NAALAD2: variants seen among roughly 807,000 people sequenced by gnomAD.
NAALAD2 encodes N-acetylated-alpha-linked acidic dipeptidase 2.
In NAALAD2, 89 loss-of-function variants were observed where a neutral mutation model predicts 95.6. The ratio of observed to expected loss-of-function variants is 0.93; its 90% CI spans 0.78 to 1.11. NAALAD2 has a LOEUF of 1.11. Among genes scored for constraint, NAALAD2 ranks in the 50% least tolerant of loss-of-function variants. The pLI is 0.00. For synonymous variants in NAALAD2, 264 were observed against 294.4 expected (o/e 0.90, Z 1.06); for missense variants, 894 against 872.4 (o/e 1.02, Z -0.31).
chr11:90,135,502 T>C (rs2134811872), intron 1 of NAALAD2, 57 bp from the exon 2 acceptor site: 1 of 1,268,160 alleles, frequency 7.9e-7, no homozygotes, highest in East Asian at 2.4e-5. Context: ...CTAGTTTTAA[T>C]AAAGTCAAAG....
chr11:90,147,130 A>G (rs186794478), intron 2 of NAALAD2, among the ~76,000 whole-genome samples, 200 bp from the exon 3 acceptor site: 34 of 152,320 alleles, frequency 2.2e-4, no homozygotes, highest in Middle Eastern at 3.4e-3. Context: ...AGGAAGCATA[A>G]TATGAAAACT....
chr11:90,161,634 GAGAAAGACGTAGGTTTAA>G (rs1952302473), intron 8 of NAALAD2, among the ~76,000 whole-genome samples: 1 of 152,124 alleles, frequency 6.6e-6, no homozygotes, highest in Admixed American at 6.6e-5. Context: ...TACTAAAAAC[GAGAAAGACGTAGGTTTAA>G]AGACGTAGAT....
At chr11:90,177,822 A>G (rs1163119601) in intron 15 of NAALAD2, 31 bp from the exon 16 acceptor site, 2 of 1,560,850 alleles carry the variant, frequency 1.3e-6, no homozygotes, top group Admixed American at 4.0e-5. Flanking sequence ...TTTAATGTTT[A>G]TTTATACTTG....
chr11:90,187,873 A>G (rs1857204240), intron 18 of NAALAD2, among the ~76,000 whole-genome samples: 1 of 152,224 alleles, frequency 6.6e-6, no homozygotes, highest in Admixed American at 6.5e-5. Context: ...CATTATATAT[A>G]TATGTACATT....
rs1162277282 is a variant in NAALAD2, at chr11:90,183,014, GA to G, written c.2033+9del. On this transcript the variant is annotated splice_region_variant and intron_variant, in intron 18 of 18. Coordinates refer to ENST00000534061, the MANE Select transcript of NAALAD2 (RefSeq NM_005467.4). The stretch of plus-strand genomic sequence containing the variant: ...CCAGGAAAGCTGTTCTATAGGTAAG[GA>G]AACAACAGGCGCCAAATACATCACT... 10 of 1,605,038 alleles carry G rather than the reference GA, an allele frequency of 6.2e-6. No homozygotes were observed. The highest frequency in any genetic ancestry group is 1.3e-5 in the African/African-American group (1 of 74,656).
chr11:90,185,313 ACCCATTTATATT>A (rs1034239923), intron 18 of NAALAD2, among the ~76,000 whole-genome samples: 3 of 152,020 alleles, frequency 2.0e-5, no homozygotes, highest in Admixed American at 6.6e-5. Context: ...AAATATGTAA[ACCCATTTATATT>A]TACATAAATA....
Position 90,168,909 on chromosome 11 carries a change from C to T in NAALAD2, c.1279-20C>T, listed in dbSNP as rs1260394777. The T allele has an allele frequency of 6.3e-7, 1 of 1,581,348 alleles. No homozygotes were observed. Among genetic ancestry groups the T allele is most frequent in the Non-Finnish European group, 8.6e-7 (1 of 1,161,498 alleles). The stretch of plus-strand genomic sequence containing the variant: ...CAACTAAGTAATGTGAATTAAGTAA[C>T]AACTTTGCTTCAACTACAGGAGAAT... On this transcript the variant is annotated intron_variant, in intron 11 of 18. Transcript: ENST00000534061.
intron 18 of NAALAD2, among the ~76,000 whole-genome samples, chr11:90,188,916 A>G (rs768004768): frequency 1.3e-5 from 2 of 152,088 alleles, no homozygotes; most frequent in Non-Finnish European, 2.9e-5. Flanking sequence ...AAAGATCTCT[A>G]TTTTCTAACC....
chr11:90,176,731 A>G (rs1952802596), intron 15 of NAALAD2, among the ~76,000 whole-genome samples: 1 of 152,160 alleles, frequency 6.6e-6, no homozygotes, highest in Non-Finnish European at 1.5e-5. Flanking sequence ...TTTGTCATAG[A>G]TTTTAATCAA....
chr11:90,171,180 A>G (rs752677806), intron 13 of NAALAD2, among the ~76,000 whole-genome samples: 3 of 152,208 alleles, frequency 2.0e-5, no homozygotes, highest in Non-Finnish European at 4.4e-5. Flanking sequence ...ATCTGTGAAC[A>G]TCATTTAAAT....
chr11:90,159,232 T>C lies in NAALAD2; in HGVS notation c.891-7T>C. 1.2e-6 allele frequency: 2 copies of C among 1,605,590 alleles called. No individual in the cohort carries two copies. The highest frequency in any genetic ancestry group is 2.2e-5 in the South Asian group (2 of 90,514). On this transcript the variant is annotated splice_polypyrimidine_tract_variant and splice_region_variant and intron_variant, in intron 7 of 18. Transcript: ENST00000534061. ...CTTTTTCTGTCACTTTCATTTTATT[T>C]TGTCAGCTACTTGGGAGGAATTGCT...
chr11:90,149,819 C>A (rs1345429235), intron 4 of NAALAD2, among the ~76,000 whole-genome samples: 1 of 152,100 alleles, frequency 6.6e-6, no homozygotes, highest in Admixed American at 6.5e-5. Flanking sequence ...TTTTATAGAT[C>A]ATACCATAGA....
chr11:90,138,276 TGAG>T (rs1310562991), intron 2 of NAALAD2, among the ~76,000 whole-genome samples: 5 of 152,064 alleles, frequency 3.3e-5, no homozygotes, highest in Admixed American at 2.0e-4. Context: ...TTGAGTAGGC[TGAG>T]GAGGAGGAGG....
At chr11:90,162,364 T>C (rs1371716641) in intron 8 of NAALAD2, 5 of 152,178 alleles carry the variant, frequency 3.3e-5, no homozygotes, top group African/African-American at 2.4e-5. Flanking sequence ...TAGTTGTGCA[T>C]TGTAGCAGGA....
At chr11:90,163,166 A>G (rs1011378162) in intron 9 of NAALAD2, 132 bp downstream of exon 9, 3 of 1,228,796 alleles carry the variant, frequency 2.4e-6, no homozygotes, top group South Asian at 3.2e-5. Context: ...GGAAAACTGT[A>G]CAAATCTAAA....
intron 17 of NAALAD2, 41 bp from the exon 18 acceptor site, chr11:90,182,875 C>T (rs1245770503): frequency 7.8e-7 from 1 of 1,274,340 alleles, no homozygotes; most frequent in East Asian, 2.3e-5. Flanking sequence ...AAGCATGATT[C>T]TGCGGTTTGC....
rs1389627295 is a variant in NAALAD2, at chr11:90,181,692, A to G, written c.1931A>G (p.Asp644Gly). 1.3e-6 allele frequency: 2 copies of G among 1,585,594 alleles called. No homozygotes were observed. Among genetic ancestry groups the G allele is most frequent in the African/African-American group, 1.4e-5 (1 of 72,796 alleles). ...SDFHKRLIQVDLNNPIAVRMM... is the reference protein window; with the variant it reads ...SDFHKRLIQVGLNNPIAVRMM... ...TTTCATAAACGACTTATACAAGTTGATCTTAACAAGTAAGTTTCAAATCCC... is the reference window on the plus strand; with the variant it reads ...TTTCATAAACGACTTATACAAGTTGGTCTTAACAAGTAAGTTTCAAATCCC... Residue 644 changes from aspartate (D) to glycine (G), a missense_variant, in exon 17 of 19, where the codon GAT becomes GGT. Transcript: ENST00000534061.
At chr11:90,189,504 C>CGG in intron 18 of NAALAD2, among the ~76,000 whole-genome samples, 1 of 152,260 alleles carries the variant, frequency 6.6e-6, no homozygotes, top group South Asian at 2.1e-4. Flanking sequence ...CATGGTGGCT[C>CGG]ACGCCTGTAA....
intron 11 of NAALAD2, among the ~76,000 whole-genome samples, chr11:90,166,791 C>T (rs1031963572): frequency 1.3e-4 from 19 of 149,980 alleles, no homozygotes; most frequent in African/African-American, 3.4e-4. Flanking sequence ...GCAGAGACAG[C>T]GCTACTGCAC....
Sources: allele counts gnomAD v4.1 joint callset (sites outside exome capture counted in the v4.1 genomes callset), GRCh38; gene constraint gnomAD v4.1.1; transcripts MANE v1.5; gene names NCBI Gene and HGNC (gene_info 2026-07-23, HGNC 2026-07-21).